Variants in NR2C2 observed in about 807,000 individuals in gnomAD.
The protein encoded by NR2C2 is Nuclear hormone receptor TR4.
In NR2C2, 6 loss-of-function variants were observed where a neutral mutation model predicts 62.9. The ratio of observed to expected loss-of-function variants is 0.10; its 90% CI spans 0.05 to 0.19. The LOEUF is 0.19. NR2C2 is among the 10% of genes least tolerant of loss of function. The pLI is 1.00. For missense variants in NR2C2, 479 were observed against 762.7 expected (o/e 0.63, Z 4.38); for synonymous variants, 272 against 273.8 (o/e 0.99, Z 0.07).
chr3:14,948,127 C>G (rs989542982), intron 1 of NR2C2: 2 of 152,024 alleles, frequency 1.3e-5, no homozygotes, highest in African/African-American at 4.8e-5. Flanking sequence ...CTGACCGGCC[C>G]GGCCGGCGCA....
chr3:15,023,476 C>T, intron 6 of NR2C2, 129 bp downstream of exon 6: 1 of 1,034,672 alleles, frequency 9.7e-7, no homozygotes. Flanking sequence ...TTGCCTAATT[C>T]TGCCCCTTCT....
At chr3:14,983,161 C>T (rs1004424501) in intron 1 of NR2C2, among the ~76,000 whole-genome samples, 1 of 151,946 alleles carries the variant, frequency 6.6e-6, no homozygotes, top group Non-Finnish European at 1.5e-5. Flanking sequence ...CAACTTATTG[C>T]GGACTGTAAT....
chr3:14,994,439 CTTTTTTTTT>C (rs4038325), intron 1 of NR2C2, among the ~76,000 whole-genome samples: 1 of 89,586 alleles, frequency 1.1e-5, no homozygotes, highest in Non-Finnish European at 2.1e-5. Flanking sequence ...TTTATTCATT[CTTTTTTTTT>C]TTTTTTTTTT....
chr3:15,016,030 G>A (rs369056906), intron 3 of NR2C2, 122 bp from the exon 4 acceptor site: 5 of 688,084 alleles, frequency 7.3e-6, no homozygotes, highest in African/African-American at 5.4e-5. Flanking sequence ...TCGAACTCCC[G>A]ACCTCAAGTG....
intron 1 of NR2C2, among the ~76,000 whole-genome samples, chr3:15,002,177 G>C (rs1409870321): frequency 6.6e-6 from 1 of 152,150 alleles, no homozygotes; most frequent in Non-Finnish European, 1.5e-5. Flanking sequence ...AAAGCTTTTA[G>C]TCTTTTACCG....
chr3:15,035,594 G>A (rs2042083175), intron 11 of NR2C2, among the ~76,000 whole-genome samples: 1 of 152,238 alleles, frequency 6.6e-6, no homozygotes, highest in African/African-American at 2.4e-5. Context: ...GAAACAGTAA[G>A]TACAAAAACT....
intron 2 of NR2C2, among the ~76,000 whole-genome samples, chr3:15,009,912 C>T (rs918139660): frequency 6.6e-6 from 1 of 152,176 alleles, no homozygotes; most frequent in Non-Finnish European, 1.5e-5. Context: ...GCAGCTGCAT[C>T]ACTCCAATCT....
At position 15,034,660 on chromosome 3, in the gene NR2C2, A is replaced by G. The variant is rs1262853876; in HGVS notation, c.1233-10A>G. On this transcript the variant is annotated splice_polypyrimidine_tract_variant and intron_variant, in intron 10 of 13. Coordinates refer to ENST00000425241, the MANE Select transcript of NR2C2 (RefSeq NM_001291694.2). Reference sequence around the variant, plus strand: ...ACACACCACACTCAGACTCCTTTCTATATTCCTAGGCAGGACTGCAACACC... The same window carrying G: ...ACACACCACACTCAGACTCCTTTCTGTATTCCTAGGCAGGACTGCAACACC... 7 of 1,613,366 alleles carry G rather than the reference A, an allele frequency of 4.3e-6. No homozygotes were observed. The highest frequency in any genetic ancestry group is 1.3e-5 in the African/African-American group (1 of 75,020).
intron 1 of NR2C2, among the ~76,000 whole-genome samples, chr3:14,964,581 C>G (rs942065903): frequency 6.6e-6 from 1 of 151,840 alleles, no homozygotes; most frequent in Non-Finnish European, 1.5e-5. Flanking sequence ...GTGGTGCGAT[C>G]TCGGCTCACT....
chr3:15,038,968 A>T (rs1019295679), intron 12 of NR2C2, 154 bp from the exon 13 acceptor site: 10 of 626,486 alleles, frequency 1.6e-5, no homozygotes, highest in Middle Eastern at 4.2e-4. Context: ...AGGAAAAGCC[A>T]GTGTTCTAAT....
At chr3:14,957,876 A>G (rs568052813) in intron 1 of NR2C2, among the ~76,000 whole-genome samples, 1 of 151,824 alleles carries the variant, frequency 6.6e-6, no homozygotes, top group African/African-American at 2.4e-5. Context: ...TCTGTTGTCT[A>G]CAGTGTCAGC....
intron 2 of NR2C2, among the ~76,000 whole-genome samples, chr3:15,010,447 A>G (rs1265601215): frequency 1.3e-5 from 2 of 152,040 alleles, no homozygotes; most frequent in African/African-American, 4.8e-5. Flanking sequence ...AGCCAGGTGC[A>G]TTGGTTCTCA....
chr3:15,020,408 T>C (rs532064293), intron 4 of NR2C2, among the ~76,000 whole-genome samples: 1 of 152,306 alleles, frequency 6.6e-6, no homozygotes, highest in East Asian at 1.9e-4. Context: ...CCAGGTGTGT[T>C]CAAGTGGACA....
In NR2C2 at chr3:15,028,577, G is replaced by A. The variant is rs369390211; in HGVS notation, c.799-9G>A. Reference sequence around the variant, plus strand: ...TTCATTTTTAATGTCAGTATTTTTTGTTTAATAGGCTGAAACAAGCCAGGG... The same window carrying A: ...TTCATTTTTAATGTCAGTATTTTTTATTTAATAGGCTGAAACAAGCCAGGG... On this transcript the variant is annotated splice_polypyrimidine_tract_variant and intron_variant, in intron 7 of 13. Coordinates refer to ENST00000425241, the MANE Select transcript of NR2C2 (RefSeq NM_001291694.2). The A allele has an allele frequency of 1.9e-6, 3 of 1,606,230 alleles. No homozygotes were observed. Among genetic ancestry groups the A allele is most frequent in the Non-Finnish European group, 1.7e-6 (2 of 1,175,140 alleles).
intron 1 of NR2C2, among the ~76,000 whole-genome samples, chr3:14,952,437 C>T (rs1191949731): frequency 6.6e-6 from 1 of 152,176 alleles, no homozygotes; most frequent in African/African-American, 2.4e-5. Flanking sequence ...AAACCATCTC[C>T]TGTACAAGTA....
intron 1 of NR2C2, among the ~76,000 whole-genome samples, chr3:14,955,493 T>C (rs1182731426): frequency 6.6e-6 from 1 of 152,172 alleles, no homozygotes; most frequent in Non-Finnish European, 1.5e-5. Context: ...TGAAGGGCAC[T>C]GTGATCTAGA....
intron 1 of NR2C2, among the ~76,000 whole-genome samples, chr3:14,949,639 T>C (rs769419259): frequency 2.0e-5 from 3 of 152,232 alleles, no homozygotes; most frequent in African/African-American, 4.8e-5. Flanking sequence ...TTCGTCAGCC[T>C]CTTATATACA....
chr3:15,030,224 C>T, intron 8 of NR2C2, 51 bp from the exon 9 acceptor site: 1 of 1,448,468 alleles, frequency 6.9e-7, no homozygotes, highest in Non-Finnish European at 9.5e-7. Context: ...ATTCTGTTCC[C>T]CCTAAAAGCT....
At chr3:14,976,823 T>C (rs1034677372) in intron 1 of NR2C2, among the ~76,000 whole-genome samples, 63 of 152,148 alleles carry the variant, frequency 4.1e-4, no homozygotes, top group Non-Finnish European at 8.2e-4. Context: ...TTTCTAGTGT[T>C]GCTTTTGTGT....
Sources: allele counts gnomAD v4.1 joint callset (sites outside exome capture counted in the v4.1 genomes callset), GRCh38; gene constraint gnomAD v4.1.1; transcripts MANE v1.5; gene names NCBI Gene and HGNC (gene_info 2026-07-23, HGNC 2026-07-21).